The following GLCE variants were observed in gnomAD, a reference collection of about 807,000 sequenced individuals.
The protein encoded by GLCE is glucuronic acid epimerase, also known as D-glucuronyl C5-epimerase.
GLCE carries 19 observed loss-of-function variants against 47.9 expected under a neutral mutation model. The observed-to-expected ratio is 0.40, with a 90% CI of 0.28 to 0.58. The LOEUF (loss-of-function observed/expected upper bound fraction) is 0.58. GLCE is among the 20% of genes least tolerant of loss of function. The pLI is 0.48. For synonymous variants in GLCE, 245 were observed against 263.4 expected (o/e 0.93, Z 0.68); for missense variants, 556 against 743.3 (o/e 0.75, Z 2.93).
chr15:69,186,258 C>T (rs1281807538), intron 1 of GLCE, among the ~76,000 whole-genome samples: 1 of 151,944 alleles, frequency 6.6e-6, no homozygotes, highest in African/African-American at 2.4e-5. Flanking sequence ...GTCAGAGAGG[C>T]TGGGTAGATT....
intron 2 of GLCE, among the ~76,000 whole-genome samples, chr15:69,215,825 A>C (rs1354051203): frequency 1.3e-5 from 2 of 151,950 alleles, no homozygotes; most frequent in African/African-American, 2.4e-5. Context: ...GTGTTTTTCT[A>C]ATGACTCATA....
rs2053132053 is a variant in GLCE at position 69,269,278 on chromosome 15, T to C, written c.*34T>C. 5.8e-6 allele frequency: 9 copies of C among 1,560,546 alleles called. No individual in the cohort carries two copies. Among genetic ancestry groups the C allele is most frequent in the Non-Finnish European group, 7.9e-6 (9 of 1,136,026 alleles). On this transcript the variant is annotated 3_prime_UTR_variant, in exon 5 of 5. Coordinates refer to ENST00000261858, the MANE Select transcript of GLCE (RefSeq NM_015554.3). Reference sequence around the variant, plus strand: ...ACCAAAACTGCACTTCAGCCTCTGCTGTACACAGAAACTACAGGCTCTGTC... The same window carrying C: ...ACCAAAACTGCACTTCAGCCTCTGCCGTACACAGAAACTACAGGCTCTGTC...
intron 2 of GLCE, among the ~76,000 whole-genome samples, chr15:69,221,139 A>C (rs991464267): frequency 2.6e-5 from 4 of 152,202 alleles, no homozygotes; most frequent in African/African-American, 9.6e-5. Flanking sequence ...TGCCAGTACC[A>C]TACTGTTTTG....
At chr15:69,216,083 G>T (rs2052303090) in intron 2 of GLCE, among the ~76,000 whole-genome samples, 1 of 152,034 alleles carries the variant, frequency 6.6e-6, no homozygotes, top group Non-Finnish European at 1.5e-5. Flanking sequence ...TTTTATATAG[G>T]TGAGTATTTG....
At chr15:69,167,093 G>A (rs2051514888) in intron 1 of GLCE, among the ~76,000 whole-genome samples, 1 of 152,016 alleles carries the variant, frequency 6.6e-6, no homozygotes, top group Non-Finnish European at 1.5e-5. Flanking sequence ...GTGCACACCT[G>A]TAATCCCAGG....
chr15:69,261,560 T>C (rs1008102094), intron 4 of GLCE, among the ~76,000 whole-genome samples: 6 of 152,184 alleles, frequency 3.9e-5, no homozygotes, highest in Non-Finnish European at 8.8e-5. Flanking sequence ...ATAGATTGAA[T>C]GGTAAGGTCC....
chr15:69,164,625 G>T (rs2051476874), intron 1 of GLCE, among the ~76,000 whole-genome samples: 1 of 151,662 alleles, frequency 6.6e-6, no homozygotes, highest in African/African-American at 2.4e-5. Flanking sequence ...CTGAAGTATT[G>T]TATGTACAAA....
chr15:69,165,273 C>G lies in GLCE; in HGVS notation c.-105+4516C>G, dbSNP rs541238628. Among the ~76,000 whole-genome samples the G allele has an allele frequency of 3.9e-5, 6 of 152,250 alleles. No homozygotes were observed. In the South Asian group the frequency reaches 1.0e-3, roughly 26 times the overall value. On this transcript the variant is annotated intron_variant, in intron 1 of 4. Transcript: ENST00000261858. ...TCTTAAAGCCCATACTTTATCAGCC[C>G]AACTCTCTATCGTTACAAGGCCTTT...
At chr15:69,227,288 A>G (rs1314821591) in intron 2 of GLCE, among the ~76,000 whole-genome samples, 1 of 152,152 alleles carries the variant, frequency 6.6e-6, no homozygotes, top group East Asian at 1.9e-4. Context: ...CCCTATAGAA[A>G]GGGTATCCAG....
At chr15:69,165,740 C>T (rs1219085393) in intron 1 of GLCE, among the ~76,000 whole-genome samples, 3 of 151,932 alleles carry the variant, frequency 2.0e-5, no homozygotes, top group East Asian at 1.9e-4. Context: ...TTTTTGACTT[C>T]CTGTTGCTTG....
At chr15:69,250,474 A>G (rs2052823429) in intron 2 of GLCE, among the ~76,000 whole-genome samples, 1 of 151,894 alleles carries the variant, frequency 6.6e-6, no homozygotes, top group African/African-American at 2.4e-5. Flanking sequence ...TTCTTTCAAT[A>G]TTTTAACAAA....
chr15:69,191,977 A>G (rs1482086907), intron 1 of GLCE, among the ~76,000 whole-genome samples: 3 of 152,028 alleles, frequency 2.0e-5, no homozygotes, highest in Admixed American at 2.0e-4. Flanking sequence ...AATGTAATGT[A>G]CCTTTTTACC....
chr15:69,203,043 G>C (rs1252419397), intron 1 of GLCE, among the ~76,000 whole-genome samples: 1 of 152,084 alleles, frequency 6.6e-6, no homozygotes, highest in Non-Finnish European at 1.5e-5. Flanking sequence ...TTTGGGTGAA[G>C]GAAAGTAGTA....
intron 1 of GLCE, among the ~76,000 whole-genome samples, chr15:69,206,641 T>A (rs1357660401): frequency 1.3e-5 from 2 of 152,024 alleles, no homozygotes; most frequent in African/African-American, 4.8e-5. Context: ...CTTTGACATG[T>A]CCCGTCCTTT....
chr15:69,264,651 C>T (rs1288595823), intron 4 of GLCE, among the ~76,000 whole-genome samples: 1 of 152,138 alleles, frequency 6.6e-6, no homozygotes, highest in Non-Finnish European at 1.5e-5. Context: ...TACATTCCCA[C>T]CCAAAGTGCG....
intron 2 of GLCE, among the ~76,000 whole-genome samples, chr15:69,252,568 C>T (rs761684112): frequency 6.6e-6 from 1 of 152,238 alleles, no homozygotes; most frequent in Non-Finnish European, 1.5e-5. Flanking sequence ...TACATTTCAA[C>T]ATGAGATTTG....
chr15:69,182,553 A>G (rs1396854992), intron 1 of GLCE, among the ~76,000 whole-genome samples: 1 of 152,158 alleles, frequency 6.6e-6, no homozygotes, highest in Non-Finnish European at 1.5e-5. Context: ...GAAGTAAATG[A>G]TTGAATATGG....
chr15:69,261,408 GT>G, intron 4 of GLCE, 79 bp downstream of exon 4: 1 of 1,397,310 alleles, frequency 7.2e-7, no homozygotes, highest in Non-Finnish European at 9.8e-7. Context: ...TTTTAATATG[GT>G]TTAAAAAAAC....
intron 1 of GLCE, among the ~76,000 whole-genome samples, chr15:69,184,427 T>G (rs565797326): frequency 6.6e-6 from 1 of 152,188 alleles, no homozygotes; most frequent in Non-Finnish European, 1.5e-5. Flanking sequence ...ATTTCTAGAA[T>G]TTTTTCACCT....
Sources: gnomAD v4.1 joint callset for allele counts (sites outside exome capture counted in the v4.1 genomes callset) on GRCh38, gnomAD v4.1.1 for gene constraint, MANE v1.5 for transcripts, NCBI Gene and HGNC (gene_info 2026-07-23, HGNC 2026-07-21) for gene names.